LMBR1: variants seen among roughly 807,000 people sequenced by gnomAD.
LMBR1 encodes the protein limb region 1 protein homolog.
In LMBR1, 52 loss-of-function variants were observed where a neutral mutation model predicts 73.9. The observed-to-expected ratio is 0.70, with a 90% confidence interval of 0.56 to 0.89. The LOEUF (loss-of-function observed/expected upper bound fraction) is 0.89. Ranked by LOEUF, LMBR1 falls within the 40% of genes least tolerant of loss-of-function variation. LMBR1 has a pLI of 0.00. For synonymous variants in LMBR1, 215 were observed against 209.4 expected (o/e 1.03, Z -0.23); for missense variants, 539 against 579.8 (o/e 0.93, Z 0.72).
In LMBR1 at chr7:156,680,376, CAG is replaced by C. The variant is rs376130225; in HGVS notation, c.*3700_*3701del. 6.7e-3 allele frequency: 946 copies of C among 141,210 alleles called. 3 individuals are homozygous for C. The highest frequency in any genetic ancestry group is 0.011 in the Middle Eastern group (3 of 282). The allele number at this position is 141,210 out of a possible 1,614,324, so 8.7% of individuals were successfully genotyped here. A position where few individuals can be genotyped will look rare whatever the true frequency, so the allele number is the denominator to read the frequency against. Reference sequence around the variant, plus strand: ...TTTTTGCTTATACGTATCTGAGAGACAGAGAGAGAGAGAGAGAGAGAGAGAGA... The same window carrying C: ...TTTTTGCTTATACGTATCTGAGAGACAGAGAGAGAGAGAGAGAGAGAGAGA... On this transcript the variant is annotated 3_prime_UTR_variant, in exon 17 of 17. Transcript: ENST00000353442.
intron 11 of LMBR1, 81 bp from the exon 12 acceptor site, chr7:156,728,088 G>C (rs898382667): frequency 9.3e-7 from 1 of 1,079,000 alleles, no homozygotes; most frequent in Non-Finnish European, 1.4e-6. Flanking sequence ...CCAAATACAC[G>C]TTTCAGAATA....
intron 4 of LMBR1, among the ~76,000 whole-genome samples, chr7:156,817,506 GAGAGAGAGACAGAGACAGAC>G (rs1237604750): frequency 0.03 from 2,117 of 70,788 alleles, 36 homozygotes; most frequent in African/African-American, 0.084. Context: ...GAGAGAGAGA[GAGAGAGAGACAGAGACAGAC>G]AGAGAGACAG....
intron 4 of LMBR1, among the ~76,000 whole-genome samples, chr7:156,800,685 T>C (rs1456944528): frequency 6.6e-6 from 1 of 152,160 alleles, no homozygotes; most frequent in African/African-American, 2.4e-5. Flanking sequence ...TGTAAGGCTA[T>C]ACCTGCTACA....
chr7:156,739,177 G>A (rs1818438303), intron 9 of LMBR1, among the ~76,000 whole-genome samples: 2 of 152,252 alleles, frequency 1.3e-5, no homozygotes, highest in African/African-American at 4.8e-5. Context: ...GTGACCACTG[G>A]CAGTGGCCTG....
chr7:156,803,312 AC>A (rs1258501692), intron 4 of LMBR1, among the ~76,000 whole-genome samples: 44 of 151,792 alleles, frequency 2.9e-4, no homozygotes, highest in African/African-American at 6.5e-4. Context: ...CAGGAAAAAA[AC>A]AAACAACCCC....
intron 1 of LMBR1, 70 bp downstream of exon 1, chr7:156,892,858 G>T (rs1238475033): frequency 2.4e-6 from 3 of 1,239,400 alleles, no homozygotes; most frequent in Non-Finnish European, 3.2e-6. Flanking sequence ...GGGACCGGGG[G>T]CCCGGGGGCG....
intron 5 of LMBR1, 59 bp from the exon 6 acceptor site, chr7:156,763,854 G>A (rs1823593856): frequency 7.1e-7 from 1 of 1,413,396 alleles, no homozygotes; most frequent in Non-Finnish European, 9.6e-7. Flanking sequence ...GAACAATAAG[G>A]TTTCTGCCTA....
intron 1 of LMBR1, among the ~76,000 whole-genome samples, chr7:156,847,494 T>G (rs1035089608): frequency 6.6e-6 from 1 of 152,074 alleles, no homozygotes; most frequent in African/African-American, 2.4e-5. Context: ...GTCAAGGGAA[T>G]GAAAAGAGAA....
intron 4 of LMBR1, among the ~76,000 whole-genome samples, 182 bp from the exon 5 acceptor site, chr7:156,796,674 C>T (rs1830099436): frequency 6.6e-6 from 1 of 152,002 alleles, no homozygotes. Flanking sequence ...GTAACTTGTA[C>T]CTATTGGGAA....
chr7:156,832,364 CA>C (rs773931000), intron 3 of LMBR1, among the ~76,000 whole-genome samples: 5 of 152,224 alleles, frequency 3.3e-5, no homozygotes, highest in Non-Finnish European at 7.4e-5. Context: ...GTGAACAATT[CA>C]GGGGTGTGTA....
intron 5 of LMBR1, among the ~76,000 whole-genome samples, chr7:156,794,228 A>C (rs1295399116): frequency 6.6e-6 from 1 of 152,230 alleles, no homozygotes; most frequent in Non-Finnish European, 1.5e-5. Context: ...AGTGATTTTT[A>C]GGCAACTAAC....
intron 5 of LMBR1, among the ~76,000 whole-genome samples, chr7:156,795,423 A>G (rs1829911339): frequency 6.6e-6 from 1 of 152,246 alleles, no homozygotes; most frequent in Admixed American, 6.5e-5. Flanking sequence ...ACTGCTACTT[A>G]AGGAATTGGT....
intron 8 of LMBR1, among the ~76,000 whole-genome samples, chr7:156,759,218 T>A (rs1166328538): frequency 6.6e-6 from 1 of 152,254 alleles, no homozygotes; most frequent in African/African-American, 2.4e-5. Flanking sequence ...TTGATGGTAG[T>A]AGCATAGTAG....
chr7:156,700,319 A>T (rs1020999596), intron 15 of LMBR1, among the ~76,000 whole-genome samples: 1 of 151,958 alleles, frequency 6.6e-6, no homozygotes, highest in Non-Finnish European at 1.5e-5. Flanking sequence ...GCATGTTCTC[A>T]CTCATAGGTG....
At chr7:156,690,808 G>T (rs747330014) in intron 15 of LMBR1, among the ~76,000 whole-genome samples, 4 of 152,104 alleles carry the variant, frequency 2.6e-5, no homozygotes, top group Non-Finnish European at 5.9e-5. Flanking sequence ...AGATCACTCT[G>T]ACCAACACAC....
chr7:156,717,247 T>C (rs1236602192), intron 15 of LMBR1, among the ~76,000 whole-genome samples: 1 of 152,238 alleles, frequency 6.6e-6, no homozygotes, highest in African/African-American at 2.4e-5. Context: ...CTCAAGTTTC[T>C]GGTTTGACCA....
chr7:156,671,233 TTGTC>T (rs956422893), intron 4 of LMBR1, among the ~76,000 whole-genome samples: 7 of 152,170 alleles, frequency 4.6e-5, no homozygotes, highest in Non-Finnish European at 7.4e-5. Context: ...GGTGCACCGT[TTGTC>T]TGTCAGTAAC....
downstream of LMBR1, chr7:156,676,772 G>A (rs552622606): frequency 1.2e-5 from 9 of 722,868 alleles, no homozygotes; most frequent in Non-Finnish European, 2.1e-5. Context: ...AGGGAAATAA[G>A]CTATTGGTAG....
chr7:156,748,394 A>G (rs1311162212), intron 9 of LMBR1, among the ~76,000 whole-genome samples: 2 of 152,144 alleles, frequency 1.3e-5, no homozygotes, highest in Admixed American at 6.6e-5. Context: ...TTTTATGTTT[A>G]TATAAGCTAC....
Sources: gnomAD v4.1 joint callset for allele counts (sites outside exome capture counted in the v4.1 genomes callset) on GRCh38, gnomAD v4.1.1 for gene constraint, MANE v1.5 for transcripts, NCBI Gene and HGNC (gene_info 2026-07-23, HGNC 2026-07-21) for gene names.